Variants in DYM observed in about 807,000 individuals in gnomAD.
DYM encodes the protein dymeclin.
In DYM, 78 loss-of-function variants were observed where a neutral mutation model predicts 93.1. The observed-to-expected ratio is 0.84, with a 90% CI of 0.70 to 1.01. DYM has a LOEUF of 1.01. Among genes scored for constraint, DYM ranks in the 50% least tolerant of loss-of-function variants. The pLI, the probability that DYM is intolerant of heterozygous loss-of-function variation, is 0.00. For missense variants in DYM, 789 were observed against 845.0 expected (o/e 0.93, Z 0.82); for synonymous variants, 321 against 319.7 (o/e 1.00, Z -0.04).
chr18:49,079,577 G>T (rs1208006351), intron 17 of DYM, among the ~76,000 whole-genome samples: 14 of 151,594 alleles, frequency 9.2e-5, no homozygotes, highest in African/African-American at 2.4e-4. Context: ...GTGTCCCTGG[G>T]TACTTGAGAT....
intron 11 of DYM, among the ~76,000 whole-genome samples, chr18:49,266,024 G>A (rs1040125495): frequency 1.3e-5 from 2 of 152,076 alleles, no homozygotes; most frequent in African/African-American, 4.8e-5. Flanking sequence ...GCCAGGTGTG[G>A]TGGTACTTGC....
At chr18:49,270,510 G>T (rs2094668054) in intron 11 of DYM, among the ~76,000 whole-genome samples, 1 of 152,056 alleles carries the variant, frequency 6.6e-6, no homozygotes, top group Non-Finnish European at 1.5e-5. Flanking sequence ...ATAATATGAG[G>T]ACTATAGTTA....
At chr18:49,452,628 A>G (rs1477429299) in intron 1 of DYM, among the ~76,000 whole-genome samples, 3 of 152,094 alleles carry the variant, frequency 2.0e-5, no homozygotes, top group Admixed American at 6.5e-5. Context: ...CTAGACATAA[A>G]GGTTCTCCAA....
At chr18:49,351,155 C>T (rs909634372) in intron 6 of DYM, among the ~76,000 whole-genome samples, 1 of 152,064 alleles carries the variant, frequency 6.6e-6, no homozygotes, top group African/African-American at 2.4e-5. Context: ...GGTACGGTGG[C>T]TCTCGCCTGT....
chr18:49,246,194 G>A (rs1291017984), intron 13 of DYM, among the ~76,000 whole-genome samples: 1 of 152,142 alleles, frequency 6.6e-6, no homozygotes, highest in African/African-American at 2.4e-5. Flanking sequence ...AACTATCCTT[G>A]TCTCTCCTAA....
intron 1 of DYM, among the ~76,000 whole-genome samples, chr18:49,440,968 TA>T (rs1382534570): frequency 0.09 from 188 of 2,088 alleles, 55 homozygotes; most frequent in Non-Finnish European, 0.12. Context: ...ATATTATATT[TA>T]TATAATATAT....
chr18:49,321,289 T>A (rs2062464720), intron 8 of DYM: 1 of 397,998 alleles, frequency 2.5e-6, no homozygotes, highest in South Asian at 1.3e-4. Flanking sequence ...AATTGATTGC[T>A]TTATTCTATA....
intron 16 of DYM, among the ~76,000 whole-genome samples, chr18:49,107,407 T>C (rs1038407989): frequency 1.3e-5 from 2 of 152,244 alleles, no homozygotes; most frequent in African/African-American, 4.8e-5. Context: ...CTCTCAACTC[T>C]TCAAAGTCAT....
At chr18:49,377,291 G>A (rs1472432003) in intron 5 of DYM, among the ~76,000 whole-genome samples, 1 of 152,168 alleles carries the variant, frequency 6.6e-6, no homozygotes, top group African/African-American at 2.4e-5. Flanking sequence ...CGGGCACGGT[G>A]GCTCATGCCT....
chr18:49,350,878 C>T (rs1456022597), intron 6 of DYM, among the ~76,000 whole-genome samples: 1 of 151,952 alleles, frequency 6.6e-6, no homozygotes, highest in Non-Finnish European at 1.5e-5. Context: ...CACATATTAC[C>T]TATTAAAAAT....
intron 2 of DYM, among the ~76,000 whole-genome samples, chr18:49,405,082 T>G (rs926301849): frequency 6.6e-6 from 1 of 152,154 alleles, no homozygotes. Flanking sequence ...TCCTCATTTT[T>G]TAATGGGGTT....
chr18:49,090,034 A>G (rs2078901796), intron 17 of DYM, among the ~76,000 whole-genome samples: 3 of 152,224 alleles, frequency 2.0e-5, no homozygotes, highest in Admixed American at 1.3e-4. Context: ...TGCATGTCAG[A>G]CCATGGAGTT....
chr18:49,308,368 G>A (rs987634043), intron 8 of DYM, among the ~76,000 whole-genome samples: 2 of 151,848 alleles, frequency 1.3e-5, no homozygotes, highest in South Asian at 2.1e-4. Context: ...GCTGGAGCTG[G>A]TTTAGCCATC....
rs144226526 is a variant in DYM at position 49,114,464 on chromosome 18, A to T, written c.1911+4280T>A. Reference sequence around the variant, plus strand: ...GAGCACTGGGTATAAGTCCAACTTAACATCCTGCTTTTACTTCTATATGGT... The same window carrying T: ...GAGCACTGGGTATAAGTCCAACTTATCATCCTGCTTTTACTTCTATATGGT... On this transcript the variant is annotated intron_variant, in intron 16 of 17. Transcript: ENST00000675505. 8.7e-6 allele frequency: 7 copies of T among 808,908 alleles called. No individual in the cohort carries two copies. In the East Asian group the frequency reaches 8.7e-4, roughly 101 times the overall value. 50.1% of individuals were successfully genotyped at this position (808,908 alleles called of 1,614,324 possible). A position where few individuals can be genotyped will look rare whatever the true frequency, so the allele number is the denominator to read the frequency against.
chr18:49,288,142 T>G (rs1290538524), intron 8 of DYM, among the ~76,000 whole-genome samples: 5 of 152,198 alleles, frequency 3.3e-5, no homozygotes, highest in African/African-American at 4.8e-5. Context: ...CTATTATATT[T>G]CTATTGGACA....
chr18:49,207,114 A>G (rs74938181), intron 14 of DYM, among the ~76,000 whole-genome samples: 4,516 of 151,886 alleles, frequency 0.03, 217 homozygotes, highest in African/African-American at 0.1. Flanking sequence ...CCAGCTGAAC[A>G]TGTATTTCTG....
chr18:49,114,111 C>G (rs1254370292), intron 16 of DYM, among the ~76,000 whole-genome samples: 1 of 152,170 alleles, frequency 6.6e-6, no homozygotes, highest in African/African-American at 2.4e-5. Context: ...CATGTGATAA[C>G]TATCCAAGAC....
At chr18:49,146,033 A>G (rs12051980) in intron 15 of DYM, among the ~76,000 whole-genome samples, 103,082 of 151,940 alleles carry the variant, frequency 0.68, 38,419 homozygotes, top group Non-Finnish European at 0.84. Flanking sequence ...TGTAATATTC[A>G]AATTAGCTAA....
chr18:49,379,735 T>A lies in DYM; in HGVS notation c.217A>T (p.Asn73Tyr). Residue 73 changes from asparagine to tyrosine, a missense_variant, in exon 4 of 18, where the codon AAT (asparagine) becomes TAT (tyrosine). Around this residue, in one of 3 missense-constraint regions of DYM, gnomAD observed 450 missense variants for 436.2 expected, o/e 1.03. Transcript: ENST00000675505. ...SLVENNPRTG[N>Y]LGALIKVFLS... ...AAGACCTTAATTAGTGCACCAAGAT[T>A]TCCTGTTCGAGGATTGTTTTCAACT... 1.2e-6 allele frequency: 2 copies of A among 1,613,326 alleles called. No individual in the cohort carries two copies. Among genetic ancestry groups the A allele is most frequent in the Non-Finnish European group, 1.7e-6 (2 of 1,179,498 alleles).
Sources: gnomAD v4.1 joint callset for allele counts (sites outside exome capture counted in the v4.1 genomes callset) on GRCh38, gnomAD v4.1.1 for gene constraint, gnomAD v4.1.1 regional missense constraint, MANE v1.5 for transcripts, NCBI Gene and HGNC (gene_info 2026-07-23, HGNC 2026-07-21) for gene names.